The following ZNF385D variants were observed in gnomAD, a reference collection of about 807,000 sequenced individuals.
The protein encoded by ZNF385D is zinc finger protein 659.
ZNF385D carries 15 observed loss-of-function variants against 35.8 expected under a neutral mutation model. The observed-to-expected ratio is 0.42, with a 90% CI of 0.28 to 0.64. The LOEUF is 0.64. ZNF385D is among the 30% of genes least tolerant of loss of function. ZNF385D has a pLI of 0.23. For missense variants in ZNF385D, 474 were observed against 494.6 expected (o/e 0.96, Z 0.39); for synonymous variants, 212 against 186.8 (o/e 1.13, Z -1.10).
chr3:21,822,887 T>C (rs1418686698), intron 3 of ZNF385D, among the ~76,000 whole-genome samples: 1 of 152,022 alleles, frequency 6.6e-6, no homozygotes, highest in Non-Finnish European at 1.5e-5. Context: ...TAATACTGCA[T>C]AAAATTTTGT....
At chr3:22,171,833 C>G (rs1006559580) in intron 2 of ZNF385D, among the ~76,000 whole-genome samples, 1 of 146,398 alleles carries the variant, frequency 6.8e-6, no homozygotes, top group Admixed American at 6.9e-5. Context: ...GCCGAGATCA[C>G]GCCACTACAT....
chr3:22,163,540 T>A (rs978867839), intron 3 of ZNF385D, among the ~76,000 whole-genome samples: 3 of 144,184 alleles, frequency 2.1e-5, no homozygotes, highest in African/African-American at 8.8e-5. Context: ...TTATTCAAGT[T>A]TTTTTTGTAG....
intron 3 of ZNF385D, among the ~76,000 whole-genome samples, chr3:21,797,118 T>C (rs1321663666): frequency 1.3e-5 from 2 of 152,184 alleles, no homozygotes; most frequent in African/African-American, 4.8e-5. Context: ...ATCCAAAATA[T>C]ACAAAGAACT....
chr3:22,123,927 TCTC>T (rs1703254277), intron 3 of ZNF385D, among the ~76,000 whole-genome samples: 28 of 54,288 alleles, frequency 5.2e-4, no homozygotes, highest in South Asian at 1.6e-3. Context: ...ACTCCATCTC[TCTC>T]TCTCTCTCTC....
At chr3:21,971,010 C>A (rs1703220210) in intron 3 of ZNF385D, among the ~76,000 whole-genome samples, 1 of 151,846 alleles carries the variant, frequency 6.6e-6, no homozygotes, top group Non-Finnish European at 1.5e-5. Flanking sequence ...GTTTTCCAGA[C>A]AATCAAAAGC....
At chr3:21,803,700 C>T (rs757375856) in intron 3 of ZNF385D, among the ~76,000 whole-genome samples, 15 of 152,088 alleles carry the variant, frequency 9.9e-5, no homozygotes, top group Non-Finnish European at 1.8e-4. Context: ...GGAACAAAAG[C>T]ATTTTTCTCA....
chr3:21,796,244 C>T (rs1191743405), intron 3 of ZNF385D, among the ~76,000 whole-genome samples: 1 of 152,148 alleles, frequency 6.6e-6, no homozygotes. Context: ...CACAAGCTAC[C>T]ACACATCTAG....
chr3:22,034,205 G>A (rs998348995), intron 3 of ZNF385D, among the ~76,000 whole-genome samples: 1 of 152,162 alleles, frequency 6.6e-6, no homozygotes, highest in Non-Finnish European at 1.5e-5. Context: ...ATTAGATGAA[G>A]TCTTCAGGGC....
At chr3:22,006,410 C>T (rs551732273) in intron 3 of ZNF385D, among the ~76,000 whole-genome samples, 1 of 152,186 alleles carries the variant, frequency 6.6e-6, no homozygotes, top group Non-Finnish European at 1.5e-5. Context: ...CACACTATTT[C>T]AAATTTATAA....
intron 3 of ZNF385D, among the ~76,000 whole-genome samples, chr3:21,970,457 GAAAT>G (rs1199933476): frequency 1.3e-5 from 2 of 150,948 alleles, no homozygotes; most frequent in African/African-American, 2.4e-5. Context: ...TCAAGCAAAA[GAAAT>G]AAATAGTGAG....
chr3:22,074,604 A>G (rs552596866), intron 3 of ZNF385D, among the ~76,000 whole-genome samples: 1 of 152,024 alleles, frequency 6.6e-6, no homozygotes, highest in Admixed American at 6.6e-5. Flanking sequence ...TTTCTATGAT[A>G]TTTCCATAGT....
At chr3:22,049,925 T>C (rs755877296) in intron 3 of ZNF385D, among the ~76,000 whole-genome samples, 1 of 152,214 alleles carries the variant, frequency 6.6e-6, no homozygotes, top group African/African-American at 2.4e-5. Context: ...GAATTTTGCA[T>C]CTATGTTTAT....
intron 2 of ZNF385D, among the ~76,000 whole-genome samples, chr3:22,222,377 C>T (rs766604417): frequency 4.6e-5 from 7 of 151,984 alleles, no homozygotes; most frequent in Non-Finnish European, 1.0e-4. Context: ...ATGAAAAAAA[C>T]TTGTATCTAC....
At chr3:22,020,212 A>T (rs1467632579) in intron 3 of ZNF385D, among the ~76,000 whole-genome samples, 1 of 151,944 alleles carries the variant, frequency 6.6e-6, no homozygotes, top group African/African-American at 2.4e-5. Context: ...TGGGGTACAG[A>T]ATAATGACTG....
At chr3:21,461,990 T>C (rs1014991968) in intron 4 of ZNF385D, among the ~76,000 whole-genome samples, 1 of 152,240 alleles carries the variant, frequency 6.6e-6, no homozygotes, top group Non-Finnish European at 1.5e-5. Context: ...ATAGCTAATA[T>C]ATAATAGTTG....
intron 3 of ZNF385D, among the ~76,000 whole-genome samples, chr3:21,820,564 A>G (rs1029594150): frequency 6.6e-6 from 1 of 151,746 alleles, no homozygotes; most frequent in Non-Finnish European, 1.5e-5. Context: ...TAATTTATGA[A>G]TAGAAAAATA....
At chr3:21,807,854 G>C (rs1245874802) in intron 3 of ZNF385D, among the ~76,000 whole-genome samples, 3 of 152,154 alleles carry the variant, frequency 2.0e-5, no homozygotes, top group East Asian at 3.8e-4. Context: ...GAGTGTCATA[G>C]TTACCTAGTT....
chr3:21,904,477 G>A (rs781241913), intron 3 of ZNF385D, among the ~76,000 whole-genome samples: 5 of 151,998 alleles, frequency 3.3e-5, no homozygotes, highest in African/African-American at 4.8e-5. Context: ...TCCGAAATAC[G>A]TAATATCATA....
At chr3:22,176,034 A>G (rs376767938) in intron 2 of ZNF385D, among the ~76,000 whole-genome samples, 3 of 148,814 alleles carry the variant, frequency 2.0e-5, no homozygotes, top group East Asian at 1.9e-4. Flanking sequence ...GTAAAGTACC[A>G]TTATAAAAAT....
Sources: gnomAD v4.1 joint callset for allele counts (sites outside exome capture counted in the v4.1 genomes callset) on GRCh38, gnomAD v4.1.1 for gene constraint, MANE v1.5 for transcripts, NCBI Gene and HGNC (gene_info 2026-07-23, HGNC 2026-07-21) for gene names.